The following SLC22A14 variants were observed in gnomAD, a reference collection of about 807,000 sequenced individuals.
SLC22A14 encodes solute carrier family 22 member 14.
SLC22A14 carries 50 observed loss-of-function variants against 53.9 expected under a neutral mutation model. That is an observed-to-expected ratio of 0.93 (90% CI 0.74 to 1.17). SLC22A14 has a LOEUF of 1.17. SLC22A14 is among the 50% of genes most tolerant of loss of function. The probability of loss-of-function intolerance (pLI) is 0.00; values close to 1 mark genes in which losing one functional copy is unlikely to be tolerated. For missense variants in SLC22A14, 671 were observed against 734.7 expected (o/e 0.91, Z 1.00); for synonymous variants, 312 against 303.0 (o/e 1.03, Z -0.31).
At position 38,316,483 on chromosome 3, in the gene SLC22A14, T is replaced by G; in HGVS notation, c.1692T>G (p.Asp564Glu). Residue 564 changes from aspartate (D) to glutamate (E), a missense_variant, in exon 10 of 11, where the codon GAT becomes GAG. Coordinates refer to ENST00000448498, the MANE Select transcript of SLC22A14 (RefSeq NM_001320033.2). ...SLSSLLPETR[D>E]QPLSESLNHS... The stretch of plus-strand genomic sequence containing the variant: ...CCTCCCTGCTGCCGGAAACGCGAGA[T>G]CAGCCCCTCTCCGAGAGCCTGAACC... The G allele has an allele frequency of 6.2e-7, 1 of 1,613,956 alleles. No individual in the cohort carries two copies.
At chr3:38,305,665 AG>A in intron 1 of SLC22A14, 3 of 209,736 alleles carry the variant, frequency 1.4e-5, no homozygotes, top group South Asian at 2.3e-4. Flanking sequence ...AAAGGTCCCT[AG>A]AGACCTCTCC....
chr3:38,291,300 C>T (rs187751501), intron 1 of SLC22A14, among the ~76,000 whole-genome samples: 44 of 152,224 alleles, frequency 2.9e-4, no homozygotes, highest in East Asian at 1.5e-3. Flanking sequence ...TCCCCTTGAG[C>T]GGCGTAGGTT....
intron 1 of SLC22A14, among the ~76,000 whole-genome samples, chr3:38,286,023 G>A (rs1703783480): frequency 6.6e-6 from 1 of 152,100 alleles, no homozygotes; most frequent in East Asian, 1.9e-4. Context: ...ACCTGAGGTT[G>A]GGAGTTTAAG....
At chr3:38,302,321 CATATATATTTAT>C (rs1339882662) in intron 1 of SLC22A14, among the ~76,000 whole-genome samples, 1 of 143,612 alleles carries the variant, frequency 7.0e-6, no homozygotes, top group African/African-American at 2.6e-5. Context: ...TATATATATA[CATATATATTTAT>C]ATATATATTT....
intron 1 of SLC22A14, among the ~76,000 whole-genome samples, chr3:38,298,554 T>G (rs1038225490): frequency 4.7e-5 from 7 of 148,900 alleles, no homozygotes; most frequent in Non-Finnish European, 1.0e-4. Flanking sequence ...CTTCCCTGTC[T>G]TGTGTGTGTG....
At chr3:38,304,695 C>T (rs78257637) in intron 1 of SLC22A14, among the ~76,000 whole-genome samples, 9,763 of 151,910 alleles carry the variant, frequency 0.064, 372 homozygotes, top group East Asian at 0.16. Context: ...CAGTGGCCTG[C>T]CTTCTCTCCA....
rs1158651435 is a variant in SLC22A14 at position 38,307,501 on chromosome 3, G to A, written c.621-65G>A. On this transcript the variant is annotated intron_variant, in intron 3 of 10. Transcript: ENST00000448498. This position sits in a 1 kb window ranked among gnomAD's most constrained non-coding sequence, Gnocchi z 4.4. ...GGATGGCTCAGGGCCTGGCCCAGGTGTATCCGGCTGGGGCCAGCCCGGGAG... is the reference window on the plus strand; with the variant it reads ...GGATGGCTCAGGGCCTGGCCCAGGTATATCCGGCTGGGGCCAGCCCGGGAG... 5.6e-6 allele frequency: 9 copies of A among 1,598,560 alleles called. No individual in the cohort carries two copies. Among genetic ancestry groups the A allele is most frequent in the East Asian group, 2.2e-5 (1 of 44,748 alleles).
At chr3:38,286,926 C>G (rs80251409) in intron 1 of SLC22A14, among the ~76,000 whole-genome samples, 1 of 150,204 alleles carries the variant, frequency 6.7e-6, no homozygotes, top group South Asian at 2.1e-4. Flanking sequence ...TACTGGAGAC[C>G]GGGTTTCACC....
intron 4 of SLC22A14, 64 bp from the exon 5 acceptor site, chr3:38,308,890 G>C: frequency 6.7e-7 from 1 of 1,495,132 alleles, no homozygotes; most frequent in Non-Finnish European, 9.2e-7. Flanking sequence ...AGCAAGGCTG[G>C]ATGCAAGGGC....
Position 38,316,458 on chromosome 3 carries a change from C to G in SLC22A14, c.1667C>G (p.Ser556Cys). Residue 556 changes from serine to cysteine, a missense_variant, in exon 10 of 11, where the codon TCC becomes TGC. Transcript: ENST00000448498. ...CVLAIVAFSL[S>C]SLLPETRDQP... is the part of the protein sequence containing the mutation. Reference sequence around the variant, plus strand: ...TTAGCCATCGTGGCCTTTTCCCTCTCCTCCCTGCTGCCGGAAACGCGAGAT... The same window carrying G: ...TTAGCCATCGTGGCCTTTTCCCTCTGCTCCCTGCTGCCGGAAACGCGAGAT... 6.2e-6 allele frequency: 10 copies of G among 1,614,156 alleles called. No individual in the cohort carries two copies. Among genetic ancestry groups the G allele is most frequent in the Non-Finnish European group, 8.5e-6 (10 of 1,179,988 alleles).
intron 1 of SLC22A14, among the ~76,000 whole-genome samples, chr3:38,300,094 G>C (rs1438353506): frequency 6.6e-6 from 1 of 152,156 alleles, no homozygotes; most frequent in Non-Finnish European, 1.5e-5. Flanking sequence ...TCAGTGGTCT[G>C]TAAGACTGCT....
rs952996249 is a variant in SLC22A14 at position 38,314,010 on chromosome 3, G to A, written c.1378+69G>A. On this transcript the variant is annotated intron_variant, in intron 8 of 10. Coordinates refer to ENST00000448498, the MANE Select transcript of SLC22A14 (RefSeq NM_001320033.2). ...CTTCCCAAAACCCCTCCCCAGTGCC[G>A]CCTGCCACGGCCGGCCACCTAGACA... 49 of 1,324,520 alleles carry A rather than the reference G, an allele frequency of 3.7e-5. 1 individual carries two copies. The highest frequency in any genetic ancestry group is 3.0e-4 in the South Asian group (25 of 82,740). The allele number at this position is 1,324,520 out of a possible 1,614,324, so 82.0% of individuals were successfully genotyped here. A position where few individuals can be genotyped will look rare whatever the true frequency, so the allele number is the denominator to read the frequency against.
chr3:38,295,583 A>G (rs1220573241), intron 1 of SLC22A14, among the ~76,000 whole-genome samples: 2 of 151,934 alleles, frequency 1.3e-5, no homozygotes, highest in African/African-American at 4.8e-5. Flanking sequence ...CACAGAGAAG[A>G]CCTTCAATTA....
chr3:38,293,428 G>A (rs2125875546), intron 1 of SLC22A14, among the ~76,000 whole-genome samples: 1 of 152,224 alleles, frequency 6.6e-6, no homozygotes, highest in East Asian at 1.9e-4. Context: ...AAAAAACCAA[G>A]GTTACCAAGT....
chr3:38,293,433 C>G (rs1703956732), intron 1 of SLC22A14, among the ~76,000 whole-genome samples: 1 of 152,132 alleles, frequency 6.6e-6, no homozygotes, highest in Non-Finnish European at 1.5e-5. Context: ...ACCAAGGTTA[C>G]CAAGTTCAAT....
intron 7 of SLC22A14, 31 bp from the exon 8 acceptor site, chr3:38,313,696 G>A (rs758219654): frequency 4.1e-6 from 6 of 1,473,388 alleles, no homozygotes; most frequent in Non-Finnish European, 5.7e-6. Flanking sequence ...GCGCGCGTGT[G>A]CACGCGCACT....
chr3:38,284,559 G>T (rs1482080072), intron 1 of SLC22A14, among the ~76,000 whole-genome samples: 1 of 152,212 alleles, frequency 6.6e-6, no homozygotes, highest in Non-Finnish European at 1.5e-5. Context: ...AGGGATCTTG[G>T]CAGAAATGAG....
rs2125891559 is a variant in SLC22A14, at chr3:38,313,478, T to C, written c.1156T>C (p.Cys386Arg). ...CTGCAAGGTGACCTTGGTGATGAGCTGTGTGTGGTGAGTATCCAGGGCTCG... is the reference window on the plus strand; with the variant it reads ...CTGCAAGGTGACCTTGGTGATGAGCCGTGTGTGGTGAGTATCCAGGGCTCG... ...QLCKVTLVMS[C>R]VWFTVSYTYF... The change falls in exon 7 of 11, where the codon TGT becomes CGT. Residue 386 changes from cysteine (C) to arginine (R), a missense_variant. Transcript: ENST00000448498. The C allele has an allele frequency of 6.2e-7, 1 of 1,607,998 alleles. No homozygotes were observed. Among genetic ancestry groups the C allele is most frequent in the East Asian group, 2.2e-5 (1 of 44,852 alleles).
chr3:38,302,172 T>C (rs954274845), intron 1 of SLC22A14, among the ~76,000 whole-genome samples: 13 of 149,348 alleles, frequency 8.7e-5, no homozygotes, highest in Non-Finnish European at 1.6e-4. Flanking sequence ...AGGCGGAGGT[T>C]GCAGTGAGCT....
Sources: allele counts gnomAD v4.1 joint callset (sites outside exome capture counted in the v4.1 genomes callset), GRCh38; gene constraint gnomAD v4.1.1; non-coding constraint Gnocchi (gnomAD v3.1); transcripts MANE v1.5; gene names NCBI Gene and HGNC (gene_info 2026-07-23, HGNC 2026-07-21).